DYSF: variants seen among roughly 807,000 people sequenced by gnomAD.
DYSF encodes dysferlin.
In DYSF, 212 loss-of-function variants were observed where a neutral mutation model predicts 274.9. The ratio of observed to expected loss-of-function variants is 0.77; its 90% CI spans 0.69 to 0.86. The LOEUF (loss-of-function observed/expected upper bound fraction) is 0.86. Among genes scored for constraint, DYSF ranks in the 40% least tolerant of loss-of-function variants. DYSF has a pLI of 0.00. For synonymous variants in DYSF, 1,091 were observed against 1,078.7 expected (o/e 1.01, Z -0.22); for missense variants, 2,666 against 2,783.2 (o/e 0.96, Z 0.95).
At chr2:71,593,873 C>T (rs992412425) in intron 32 of DYSF, among the ~76,000 whole-genome samples, 5 of 152,204 alleles carry the variant, frequency 3.3e-5, no homozygotes, top group Non-Finnish European at 7.3e-5. Context: ...TTGAGGCCCT[C>T]CCAGGTCACT....
intron 22 of DYSF, among the ~76,000 whole-genome samples, chr2:71,560,422 C>T (rs111790572): frequency 6.7e-5 from 1 of 14,848 alleles, no homozygotes; most frequent in East Asian, 3.0e-4. Context: ...GGCAGGCCCC[C>T]GCCCCGCTAC....
At chr2:71,589,236 C>T (rs372584097) in intron 30 of DYSF, among the ~76,000 whole-genome samples, 11 of 152,288 alleles carry the variant, frequency 7.2e-5, no homozygotes, top group African/African-American at 2.4e-4. Context: ...CTCCACATTT[C>T]GATTCCACTG....
intron 48 of DYSF, 68 bp from the exon 49 acceptor site, chr2:71,668,686 A>G (rs561235891): frequency 6.8e-7 from 1 of 1,481,096 alleles, no homozygotes; most frequent in South Asian, 1.2e-5. Flanking sequence ...CATCTGGCCC[A>G]GAGCAGGTGC....
chr2:71,641,873 T>G (rs145720505), intron 41 of DYSF, among the ~76,000 whole-genome samples: 1 of 152,230 alleles, frequency 6.6e-6, no homozygotes, highest in Non-Finnish European at 1.5e-5. Flanking sequence ...GATAGTGGTT[T>G]TATTTCTGGG....
intron 22 of DYSF, among the ~76,000 whole-genome samples, chr2:71,560,260 C>T (rs2152801615): frequency 6.6e-6 from 1 of 152,312 alleles, no homozygotes; most frequent in Admixed American, 6.5e-5. Context: ...CTGTGGCCTC[C>T]ATGAAAATCT....
rs1027145211 is a variant in DYSF at position 71,561,837 on chromosome 2, C to A, written c.2302C>A (p.Gln768Lys). ...CCAGCTGCGCACCCATCACCTGAGCCAAATCACTGAGGCTGCCCTGGCCCT... is the reference window on the plus strand; with the variant it reads ...CCAGCTGCGCACCCATCACCTGAGCAAAATCACTGAGGCTGCCCTGGCCCT... Reference protein sequence around the residue: ...LYQLRTHHLSQITEAALALKL... With the variant: ...LYQLRTHHLSKITEAALALKL... Residue 768 changes from glutamine to lysine, a missense_variant, in exon 23 of 56, where the codon CAA (glutamine) becomes AAA (lysine). By Grantham distance (53) the Gln-to-Lys change is moderately conservative. This residue lies in a region of DYSF where 412 missense variants were observed against 504.0 expected (regional missense o/e 0.82). Transcript: ENST00000410020. The A allele has an allele frequency of 6.2e-7, 1 of 1,614,168 alleles. No homozygotes were observed. The highest frequency in any genetic ancestry group is 8.5e-7 in the Non-Finnish European group (1 of 1,180,018).
intron 2 of DYSF, 95 bp from the exon 3 acceptor site, chr2:71,481,784 C>A: frequency 3.3e-6 from 3 of 919,418 alleles, no homozygotes; most frequent in Non-Finnish European, 5.3e-6. Context: ...TTCATGAATG[C>A]CTACTCAGTG....
chr2:71,487,398 A>G (rs56105841), intron 3 of DYSF, among the ~76,000 whole-genome samples: 26,614 of 152,080 alleles, frequency 0.17, 3,450 homozygotes, highest in East Asian at 0.63. Context: ...ATTAAACAAG[A>G]ACCTCTGGAG....
intron 1 of DYSF, among the ~76,000 whole-genome samples, chr2:71,475,068 A>G (rs1036699687): frequency 6.6e-6 from 1 of 152,218 alleles, no homozygotes; most frequent in Non-Finnish European, 1.5e-5. Flanking sequence ...CTAAGGTCAC[A>G]TAGTAGTGGC....
intron 42 of DYSF, among the ~76,000 whole-genome samples, chr2:71,645,116 C>CATCT (rs2094547093): frequency 6.6e-6 from 1 of 152,212 alleles, no homozygotes; most frequent in South Asian, 2.1e-4. Flanking sequence ...TCAGCTTAGC[C>CATCT]ATCTGTAGGC....
At chr2:71,603,370 T>C (rs1469213678) in intron 36 of DYSF, among the ~76,000 whole-genome samples, 1 of 152,156 alleles carries the variant, frequency 6.6e-6, no homozygotes, top group Admixed American at 6.5e-5. Flanking sequence ...GAGATGCACG[T>C]TCCCTATGGC....
At chr2:71,486,489 C>T (rs1361345837) in intron 3 of DYSF, among the ~76,000 whole-genome samples, 2 of 152,316 alleles carry the variant, frequency 1.3e-5, no homozygotes, top group African/African-American at 4.8e-5. Flanking sequence ...TCCTCTCTTT[C>T]CTATGGCTCC....
At chr2:71,529,676 G>C (rs2088425345) in intron 14 of DYSF, among the ~76,000 whole-genome samples, 1 of 152,220 alleles carries the variant, frequency 6.6e-6, no homozygotes, top group Non-Finnish European at 1.5e-5. Context: ...TAAACTGTGG[G>C]TGATATCTTG....
intron 24 of DYSF, among the ~76,000 whole-genome samples, chr2:71,564,795 C>T (rs2091982568): frequency 6.6e-6 from 1 of 152,262 alleles, no homozygotes; most frequent in African/African-American, 2.4e-5. Flanking sequence ...ACACCCATCC[C>T]TGCTCCCTCT....
At chr2:71,608,700 G>T (rs1425806266) in intron 36 of DYSF, among the ~76,000 whole-genome samples, 1 of 152,134 alleles carries the variant, frequency 6.6e-6, no homozygotes, top group Admixed American at 6.5e-5. Flanking sequence ...CTGGTCCCCA[G>T]CCTTTAGAGA....
intron 42 of DYSF, among the ~76,000 whole-genome samples, chr2:71,652,774 G>A (rs541096065): frequency 6.6e-6 from 1 of 152,298 alleles, no homozygotes; most frequent in East Asian, 1.9e-4. Flanking sequence ...TTAAAACATG[G>A]TATTGGTGAA....
At chr2:71,467,471 T>C (rs138355407) in intron 1 of DYSF, among the ~76,000 whole-genome samples, 21 of 152,308 alleles carry the variant, frequency 1.4e-4, no homozygotes, top group African/African-American at 5.1e-4. Context: ...TTGAGGAATG[T>C]CAAGGATATT....
intron 34 of DYSF, chr2:71,601,238 T>G: frequency 1.6e-6 from 1 of 606,608 alleles, no homozygotes; most frequent in Admixed American, 2.8e-5. Context: ...AAATGAGAGG[T>G]TTGGGTTGGA....
chr2:71,620,495 C>G, intron 40 of DYSF, 52 bp from the exon 41 acceptor site: 1 of 1,544,080 alleles, frequency 6.5e-7, no homozygotes, highest in South Asian at 1.2e-5. Flanking sequence ...GTCCAGCCTT[C>G]CCTAAAGTGG....
Sources: gnomAD v4.1 joint callset for allele counts (sites outside exome capture counted in the v4.1 genomes callset) on GRCh38, gnomAD v4.1.1 for gene constraint, gnomAD v4.1.1 regional missense constraint, MANE v1.5 for transcripts, NCBI Gene and HGNC (gene_info 2026-07-23, HGNC 2026-07-21) for gene names.